UBAP2L: variants seen among roughly 807,000 people sequenced by gnomAD.
UBAP2L encodes ubiquitin-associated protein 2-like.
UBAP2L carries 12 observed loss-of-function variants against 130.6 expected under a neutral mutation model. The ratio of observed to expected loss-of-function variants is 0.09; its 90% CI spans 0.06 to 0.15. The LOEUF (loss-of-function observed/expected upper bound fraction) is 0.15. Among genes scored for constraint, UBAP2L ranks in the 10% least tolerant of loss-of-function variants. UBAP2L has a pLI of 1.00. For missense variants in UBAP2L, 965 were observed against 1,332.5 expected (o/e 0.72, Z 4.29); for synonymous variants, 503 against 524.7 (o/e 0.96, Z 0.57).
chr1:154,256,568 G>C (rs1679741460), intron 18 of UBAP2L, among the ~76,000 whole-genome samples: 1 of 152,160 alleles, frequency 6.6e-6, no homozygotes, highest in African/African-American at 2.4e-5. Context: ...GAGCCCAGGA[G>C]GCCAGGGTTG....
intron 17 of UBAP2L, 109 bp from the exon 18 acceptor site, chr1:154,255,574 T>A: frequency 1.5e-6 from 2 of 1,334,780 alleles, no homozygotes; most frequent in Non-Finnish European, 2.1e-6. Context: ...ATCTCAGACC[T>A]CCTTGGTGTC....
chr1:154,241,611 G>A, intron 9 of UBAP2L, 46 bp downstream of exon 9: 3 of 1,605,320 alleles, frequency 1.9e-6, no homozygotes, highest in South Asian at 2.2e-5. Context: ...CTATCCCTAA[G>A]TGTTGTTTAG....
Position 154,257,076 on chromosome 1 carries a change from A to G in UBAP2L, c.2171A>G (p.Glu724Gly), listed in dbSNP as rs1679931590. ...STSTLLHTSV[E>G]SEANLHSSSS... ...CCCCTTTTGAAGCACACAAGTGTGGAGAGTGAGGCGAATCTCCATTCTTCC... is the reference window on the plus strand; with the variant it reads ...CCCCTTTTGAAGCACACAAGTGTGGGGAGTGAGGCGAATCTCCATTCTTCC... The change falls in exon 19 of 27, where the codon GAG becomes GGG. Residue 724 changes from glutamate to glycine, a missense_variant. Transcript: ENST00000428931. 6.2e-7 allele frequency: 1 copy of G among 1,613,612 alleles called. No individual in the cohort carries two copies. The highest frequency in any genetic ancestry group is 1.7e-5 in the Admixed American group (1 of 60,012).
rs748375079 is a variant in UBAP2L, at chr1:154,243,273, G to A, written c.813G>A (p.Ala271=). The stretch of plus-strand genomic sequence containing the variant: ...ATGTGTCTTCAGTGCCTCTGCCTGC[G>A]GAGAATGTGACAATCACTGCTGGTC... The part of the protein sequence containing the change: ...ASNVSSVPLP[A]ENVTITAGQR... The change falls in exon 10 of 27, where the codon GCG becomes GCA. Residue 271 remains alanine, a synonymous_variant. Coordinates refer to ENST00000428931, the MANE Select transcript of UBAP2L (RefSeq NM_014847.4). 8.7e-6 allele frequency: 14 copies of A among 1,611,750 alleles called. No individual in the cohort carries two copies. In the East Asian group the frequency reaches 1.1e-4, roughly 13 times the overall value.
chr1:154,262,432 A>G (rs546393675), intron 24 of UBAP2L, among the ~76,000 whole-genome samples: 1 of 152,276 alleles, frequency 6.6e-6, no homozygotes, highest in East Asian at 1.9e-4. Context: ...AGTGAGAAGG[A>G]ATCTTTGAAT....
chr1:154,268,502 T>C (rs551824387), intron 25 of UBAP2L, among the ~76,000 whole-genome samples: 3 of 152,372 alleles, frequency 2.0e-5, no homozygotes, highest in Non-Finnish European at 4.4e-5. Flanking sequence ...ATTTGGTCTT[T>C]ACAACAGGTT....
intron 8 of UBAP2L, among the ~76,000 whole-genome samples, chr1:154,240,921 T>G (rs1673318580): frequency 6.7e-6 from 1 of 149,260 alleles, no homozygotes; most frequent in African/African-American, 2.5e-5. Flanking sequence ...GAGCATTGGG[T>G]GGTTGTCTGT....
At chr1:154,237,261 T>A (rs1387214982) in intron 8 of UBAP2L, 125 bp downstream of exon 8, 1 of 854,996 alleles carries the variant, frequency 1.2e-6, no homozygotes, top group African/African-American at 1.7e-5. Context: ...GAGAAAGGGC[T>A]GGCAGTTGTA....
intron 8 of UBAP2L, among the ~76,000 whole-genome samples, chr1:154,238,172 T>C (rs921763164): frequency 3.9e-5 from 6 of 152,240 alleles, no homozygotes; most frequent in African/African-American, 1.2e-4. Flanking sequence ...CTGAATGTCG[T>C]CTGCTTTTTG....
rs1205436038 is a variant in UBAP2L, at chr1:154,255,893, G to A, written c.2157+138G>A. 3.0e-6 allele frequency: 3 copies of A among 992,000 alleles called. No individual in the cohort carries two copies. In the East Asian group the frequency reaches 7.3e-5, roughly 24 times the overall value. 61.4% of individuals were successfully genotyped at this position (992,000 alleles called of 1,614,324 possible). A position where few individuals can be genotyped will look rare whatever the true frequency, so the allele number is the denominator to read the frequency against. On this transcript the variant is annotated intron_variant, in intron 18 of 26. Coordinates refer to ENST00000428931, the MANE Select transcript of UBAP2L (RefSeq NM_014847.4). ...TTGATTTGAGGTTGCAGGAAAAGGA[G>A]TAAAGGGATGTTAGGAAGCCAAGAG... is the stretch of plus-strand genomic sequence containing the variant.
In UBAP2L at chr1:154,243,283, A is replaced by G. The variant is rs926209216; in HGVS notation, c.823A>G (p.Thr275Ala). ...SSVPLPAENVTITAGQRIDLA... is the reference protein window; with the variant it reads ...SSVPLPAENVAITAGQRIDLA... Reference sequence around the variant, plus strand: ...AGTGCCTCTGCCTGCGGAGAATGTGACAATCACTGCTGGTCAGAGGCAAGT... The same window carrying G: ...AGTGCCTCTGCCTGCGGAGAATGTGGCAATCACTGCTGGTCAGAGGCAAGT... The change falls in exon 10 of 27, where the codon ACA becomes GCA. Residue 275 changes from threonine to alanine, a missense_variant. Transcript: ENST00000428931. 5 of 1,611,698 alleles carry G rather than the reference A, an allele frequency of 3.1e-6. No individual in the cohort carries two copies. Among genetic ancestry groups the G allele is most frequent in the Admixed American group, 1.7e-5 (1 of 59,952 alleles).
At chr1:154,223,356 C>A (rs1391610575) in intron 1 of UBAP2L, among the ~76,000 whole-genome samples, 1 of 152,054 alleles carries the variant, frequency 6.6e-6, no homozygotes, top group Non-Finnish European at 1.5e-5. Context: ...AGAAAACAGT[C>A]AATATTTGTA....
chr1:154,223,696 C>A (rs1222308098), intron 1 of UBAP2L, among the ~76,000 whole-genome samples: 1 of 152,046 alleles, frequency 6.6e-6, no homozygotes, highest in African/African-American at 2.4e-5. Context: ...TTAAAAAAAT[C>A]TTTCTTGATA....
intron 1 of UBAP2L, among the ~76,000 whole-genome samples, chr1:154,222,141 T>C (rs1666407069): frequency 1.3e-5 from 2 of 152,214 alleles, no homozygotes; most frequent in Non-Finnish European, 2.9e-5. Flanking sequence ...GATTATTAAA[T>C]GGAGAAATCC....
At chr1:154,245,902 G>A (rs976994587) in intron 10 of UBAP2L, among the ~76,000 whole-genome samples, 35 of 151,162 alleles carry the variant, frequency 2.3e-4, no homozygotes, top group African/African-American at 8.1e-4. Flanking sequence ...GTGACAGAGC[G>A]AGACTTTCTC....
intron 20 of UBAP2L, 121 bp downstream of exon 20, chr1:154,257,555 T>A: frequency 9.7e-7 from 1 of 1,029,144 alleles, no homozygotes; most frequent in Non-Finnish European, 1.4e-6. Context: ...AGCCCTGCAG[T>A]TGGCTCTGTG....
chr1:154,242,233 T>C (rs903616730), intron 9 of UBAP2L, among the ~76,000 whole-genome samples: 7 of 152,252 alleles, frequency 4.6e-5, no homozygotes, highest in Non-Finnish European at 8.8e-5. Context: ...ATTATGGTTT[T>C]CAGTGATCAT....
intron 2 of UBAP2L, 89 bp from the exon 3 acceptor site, chr1:154,227,193 T>C (rs1015282411): frequency 5.6e-6 from 6 of 1,080,728 alleles, no homozygotes; most frequent in Admixed American, 1.8e-5. Flanking sequence ...GAAAAGAAAA[T>C]TGGGGCAGTG....
chr1:154,244,701 C>T lies in UBAP2L; in HGVS notation c.842+1399C>T, dbSNP rs182576644. Among the ~76,000 whole-genome samples, 24 of 152,152 alleles carry T rather than the reference C, an allele frequency of 1.6e-4. No homozygotes were observed. The East Asian group carries it at 4.1e-3, about 26-fold the overall frequency. On this transcript the variant is annotated intron_variant, in intron 10 of 26. Transcript: ENST00000428931. The stretch of plus-strand genomic sequence containing the variant: ...AAGGTACAACTCAGCAACAGCTAAA[C>T]GGAAGAAATGAGTAGGGCAAGGTAT...
Sources: gnomAD v4.1 joint callset for allele counts (sites outside exome capture counted in the v4.1 genomes callset) on GRCh38, gnomAD v4.1.1 for gene constraint, MANE v1.5 for transcripts, NCBI Gene and HGNC (gene_info 2026-07-23, HGNC 2026-07-21) for gene names.